ZC3H12B: variants seen among roughly 807,000 people sequenced by gnomAD.
ZC3H12B encodes the protein probable ribonuclease ZC3H12B.
A neutral mutation model predicts 43.9 loss-of-function variants in ZC3H12B; 7 were observed. The ratio of observed to expected loss-of-function variants is 0.16; its 90% CI spans 0.09 to 0.30. ZC3H12B has a LOEUF of 0.30. Among genes scored for constraint, ZC3H12B ranks in the 10% least tolerant of loss-of-function variants. The probability of loss-of-function intolerance (pLI) is 1.00; values close to 1 mark genes in which losing one functional copy is unlikely to be tolerated. For synonymous variants in ZC3H12B, 222 were observed against 241.7 expected, an observed-to-expected ratio of 0.92 and a Z score of 0.76; for missense variants, 475 against 670.2, an observed-to-expected ratio of 0.71 and a Z score of 3.22.
chrX:65,044,362 G>A, the ZC3H12B span, among the ~76,000 whole-genome samples: 4 of 111,404 alleles, frequency 3.6e-5, no homozygotes, highest in South Asian at 3.8e-4. Context: ...TAGAGAGTGA[G>A]TGAGACAGTG....
chrX:65,452,205 TA>T (rs773230477), intron 3 of ZC3H12B, among the ~76,000 whole-genome samples: 14 of 110,852 alleles, frequency 1.3e-4, no homozygotes, highest in Admixed American at 6.8e-4. Flanking sequence ...GAGAAAGAAA[TA>T]AAAGGCATCC....
chrX:65,438,438 T>C (rs905058417), intron 3 of ZC3H12B, among the ~76,000 whole-genome samples: 1 of 111,885 alleles, frequency 8.9e-6, no homozygotes, highest in African/African-American at 3.3e-5. Context: ...TTCATTTCTT[T>C]AACTTTATTC....
At chrX:65,505,672 A>G (rs1423031539) in exon 5 of ZC3H12B, 1 of 111,906 alleles carries the variant, frequency 8.9e-6, no homozygotes, top group Non-Finnish European at 1.9e-5. Context: ...TGTGCCAGTT[A>G]GTTCATCTTC....
intron 2 of ZC3H12B, among the ~76,000 whole-genome samples, chrX:65,390,372 T>G (rs2066596108): frequency 9.0e-6 from 1 of 110,783 alleles, no homozygotes; most frequent in Non-Finnish European, 1.9e-5. Context: ...ACCTGCATGT[T>G]GTGCACAGGT....
At chrX:65,399,857 A>G (rs1032935089) in intron 3 of ZC3H12B, among the ~76,000 whole-genome samples, 1 of 112,238 alleles carries the variant, frequency 8.9e-6, no homozygotes, top group Non-Finnish European at 1.9e-5. Context: ...ATAAAAGTAG[A>G]ATGAGATTCT....
chrX:65,071,531 G>T, the ZC3H12B span, among the ~76,000 whole-genome samples: 2 of 110,863 alleles, frequency 1.8e-5, no homozygotes, highest in Non-Finnish European at 3.8e-5. Flanking sequence ...TGCTTTTGTG[G>T]TTGCTTTTTA....
chrX:65,152,610 C>A, the ZC3H12B span, among the ~76,000 whole-genome samples: 1 of 111,453 alleles, frequency 9.0e-6, no homozygotes, highest in African/African-American at 3.3e-5. Flanking sequence ...GAAGAACATT[C>A]CATGCTCATG....
chrX:65,292,623 G>T, the ZC3H12B span, among the ~76,000 whole-genome samples: 1 of 92,385 alleles, frequency 1.1e-5, no homozygotes, highest in East Asian at 2.9e-4. Context: ...ACTTAAAATA[G>T]AAGTTTTTTT....
At chrX:65,098,260 A>ACACACACACAC in the ZC3H12B span, among the ~76,000 whole-genome samples, 2 of 109,391 alleles carry the variant, frequency 1.8e-5, no homozygotes, top group African/African-American at 6.7e-5. Context: ...ACACACACAC[A>ACACACACACAC]ACTGGAACAG....
At chrX:65,224,227 C>A in the ZC3H12B span, among the ~76,000 whole-genome samples, 1 of 112,500 alleles carries the variant, frequency 8.9e-6, no homozygotes, top group Non-Finnish European at 1.9e-5. Context: ...CATATGTTCT[C>A]ATAAGGGAGA....
rs773961465 is a variant in ZC3H12B at position 65,412,829 on chromosome X, CTGTTT to C, written n.407+14147_407+14151del. Among the ~76,000 whole-genome samples, 38 of 98,861 alleles carry C rather than the reference CTGTTT, an allele frequency of 3.8e-4. No homozygotes were observed. The East Asian group carries it at 9.5e-3, about 25-fold the overall frequency. 85.8% of individuals were successfully genotyped at this position (98,861 alleles called of 115,157 possible). A position where few individuals can be genotyped will look rare whatever the true frequency, so the allele number is the denominator to read the frequency against. ...AGAATTGTGAGATTTTATGTAAATT[CTGTTT>C]TGTTTTGTTTTGTTTTGTTTTTTTT... On this transcript the variant is annotated intron_variant and non_coding_transcript_variant, in intron 3 of 5. Transcript: ENST00000617377.
At chrX:65,102,770 A>G in the ZC3H12B span, among the ~76,000 whole-genome samples, 23 of 111,647 alleles carry the variant, frequency 2.1e-4, no homozygotes, top group African/African-American at 7.5e-4. Context: ...AAATAAAGGG[A>G]AAGAGTACAA....
chrX:65,295,671 G>C, the ZC3H12B span, among the ~76,000 whole-genome samples: 1 of 111,492 alleles, frequency 9.0e-6, no homozygotes, highest in African/African-American at 3.3e-5. Context: ...TATTAACTAA[G>C]AAAAGAATAG....
At chrX:65,211,187 T>G in the ZC3H12B span, among the ~76,000 whole-genome samples, 1 of 109,195 alleles carries the variant, frequency 9.2e-6, no homozygotes, top group African/African-American at 3.3e-5. Context: ...ATTTGTTTCT[T>G]TGTAGATTCT....
the ZC3H12B span, among the ~76,000 whole-genome samples, chrX:65,239,795 C>T: frequency 8.0e-5 from 9 of 112,052 alleles, no homozygotes; most frequent in Admixed American, 8.5e-4. Context: ...TTTGCATTTG[C>T]TTGTCTTCAA....
exon 5 of ZC3H12B, chrX:65,502,717 C>A (rs1415596812): frequency 8.3e-7 from 1 of 1,210,722 alleles, no homozygotes; most frequent in Non-Finnish European, 1.1e-6. Flanking sequence ...CACGTTCCAG[C>A]TGTCCTGCAG....
At chrX:65,423,249 C>G (rs1255985765) in intron 3 of ZC3H12B, among the ~76,000 whole-genome samples, 2 of 111,794 alleles carry the variant, frequency 1.8e-5, no homozygotes, top group Non-Finnish European at 3.8e-5. Context: ...TTTTCTTTAT[C>G]CAGTCTATCA....
chrX:65,452,841 A>AACACACACCCAC (rs1478410233), intron 3 of ZC3H12B, among the ~76,000 whole-genome samples: 9 of 92,243 alleles, frequency 9.8e-5, no homozygotes, highest in African/African-American at 3.8e-4. Flanking sequence ...ACTCCATCTA[A>AACACACACCCAC]ACACACACAC....
At chrX:65,402,393 C>T (rs754574094) in intron 3 of ZC3H12B, among the ~76,000 whole-genome samples, 8 of 112,014 alleles carry the variant, frequency 7.1e-5, no homozygotes, top group Non-Finnish European at 1.5e-4. Context: ...GGAGAACTCA[C>T]TTCCCTGAAG....
Sources: allele counts gnomAD v4.1 joint callset (sites outside exome capture counted in the v4.1 genomes callset), GRCh38; gene constraint gnomAD v4.1.1; transcripts MANE v1.5; gene names NCBI Gene and HGNC (gene_info 2026-07-23, HGNC 2026-07-21).